Variants in NUDT3 observed in about 807,000 individuals in gnomAD.
NUDT3 encodes nudix hydrolase 3.
In NUDT3, 9 loss-of-function variants were observed where a neutral mutation model predicts 23.6. The observed-to-expected ratio is 0.38, with a 90% CI of 0.23 to 0.66. NUDT3 has a LOEUF of 0.66. Among genes scored for constraint, NUDT3 ranks in the 30% least tolerant of loss-of-function variants. NUDT3 has a pLI of 0.52. For missense variants in NUDT3, 172 were observed against 218.5 expected (o/e 0.79, Z 1.34); for synonymous variants, 86 against 82.6 (o/e 1.04, Z -0.22).
rs576916758 is a variant in NUDT3 at position 34,279,835 on chromosome 6, A to T, written c.*8918T>A. 1.3e-5 allele frequency: 2 copies of T among 152,288 alleles called. No homozygotes were observed. The highest frequency in any genetic ancestry group is 4.8e-5 in the African/African-American group (2 of 41,554). 9.4% of individuals were successfully genotyped at this position (152,288 alleles called of 1,614,324 possible). A position where few individuals can be genotyped will look rare whatever the true frequency, so the allele number is the denominator to read the frequency against. On this transcript the variant is annotated 3_prime_UTR_variant, in exon 5 of 5. Coordinates refer to ENST00000607016, the MANE Select transcript of NUDT3 (RefSeq NM_006703.4). ...TTAAGCATTTGTTTTTACAAAAAGG[A>T]GTGGGATATGGGGGTGGTCAAGTTT...
chr6:34,335,993 G>A (rs753670434), intron 2 of NUDT3, among the ~76,000 whole-genome samples: 17 of 152,066 alleles, frequency 1.1e-4, no homozygotes, highest in Non-Finnish European at 2.2e-4. Context: ...GATAAATCTG[G>A]TTGGGTATAA....
At chr6:34,328,485 T>C (rs555229613) in intron 2 of NUDT3, among the ~76,000 whole-genome samples, 13 of 152,304 alleles carry the variant, frequency 8.5e-5, no homozygotes, top group African/African-American at 3.1e-4. Context: ...AAACGGAAAG[T>C]ACAAAGAAGA....
chr6:34,387,517 A>T (rs1384141660), intron 1 of NUDT3, among the ~76,000 whole-genome samples: 1 of 152,064 alleles, frequency 6.6e-6, no homozygotes, highest in Non-Finnish European at 1.5e-5. Context: ...TTTTTAAATA[A>T]AGTTTCTAGA....
At chr6:34,305,233 T>G (rs1763662740) in intron 2 of NUDT3, among the ~76,000 whole-genome samples, 2 of 152,210 alleles carry the variant, frequency 1.3e-5, no homozygotes, top group Middle Eastern at 3.4e-3. Flanking sequence ...CCACTCGCCT[T>G]GGCCTCCCAA....
chr6:34,301,462 G>C (rs760184622), intron 2 of NUDT3, among the ~76,000 whole-genome samples: 2 of 152,202 alleles, frequency 1.3e-5, no homozygotes, highest in Admixed American at 6.5e-5. Flanking sequence ...CCAAGCCTAG[G>C]CCTCAAGAGG....
chr6:34,388,295 A>G (rs1473367999), intron 1 of NUDT3, among the ~76,000 whole-genome samples: 1 of 152,176 alleles, frequency 6.6e-6, no homozygotes, highest in Non-Finnish European at 1.5e-5. Flanking sequence ...CTGTATTTTC[A>G]TCTCTTTTTC....
chr6:34,329,718 T>C (rs561098776), intron 2 of NUDT3, among the ~76,000 whole-genome samples: 2 of 152,290 alleles, frequency 1.3e-5, no homozygotes, highest in South Asian at 2.1e-4. Context: ...TTGTTACATA[T>C]GTATACATGT....
chr6:34,299,644 G>C (rs997341634), intron 2 of NUDT3, among the ~76,000 whole-genome samples: 2 of 145,974 alleles, frequency 1.4e-5, no homozygotes, highest in Non-Finnish European at 3.0e-5. Flanking sequence ...GGTGACTCAC[G>C]CCTATAATCC....
intron 1 of NUDT3, among the ~76,000 whole-genome samples, chr6:34,359,169 C>T (rs1460470473): frequency 2.0e-5 from 3 of 152,084 alleles, no homozygotes; most frequent in South Asian, 2.1e-4. Flanking sequence ...GTCAGGAGAT[C>T]GAAACCATCC....
intron 2 of NUDT3, among the ~76,000 whole-genome samples, chr6:34,338,725 C>T (rs927803314): frequency 6.6e-6 from 1 of 152,164 alleles, no homozygotes; most frequent in Admixed American, 6.6e-5. Flanking sequence ...CTCTCACAAG[C>T]CACTGGACAC....
chr6:34,359,100 G>A (rs921822863), intron 1 of NUDT3, among the ~76,000 whole-genome samples: 2 of 152,140 alleles, frequency 1.3e-5, no homozygotes, highest in African/African-American at 4.8e-5. Flanking sequence ...TCGGCCAGGT[G>A]CGGTGGCTCA....
chr6:34,297,848 G>A (rs1176091193), intron 2 of NUDT3, among the ~76,000 whole-genome samples: 1 of 143,678 alleles, frequency 7.0e-6, no homozygotes, highest in Non-Finnish European at 1.5e-5. Context: ...GCCCGCCTCA[G>A]CCTCCCAAAG....
chr6:34,361,241 G>T (rs567460762), intron 1 of NUDT3, among the ~76,000 whole-genome samples: 1 of 152,152 alleles, frequency 6.6e-6, no homozygotes, highest in Non-Finnish European at 1.5e-5. Flanking sequence ...ATTTTTAAAA[G>T]AACATATGCA....
chr6:34,304,187 A>G (rs1047392778), intron 2 of NUDT3, among the ~76,000 whole-genome samples: 1 of 146,086 alleles, frequency 6.8e-6, no homozygotes, highest in South Asian at 2.2e-4. Flanking sequence ...TGGGATGCAG[A>G]GGTTGCAGTG....
intron 1 of NUDT3, 23 bp from the exon 2 acceptor site, chr6:34,341,995 TG>T (rs745422994): frequency 1.2e-6 from 2 of 1,601,266 alleles, no homozygotes; most frequent in East Asian, 2.2e-5. Context: ...AAAGGTTGCA[TG>T]GGGGGGTTAA....
At chr6:34,300,846 C>A (rs1763587424) in intron 2 of NUDT3, among the ~76,000 whole-genome samples, 2 of 152,164 alleles carry the variant, frequency 1.3e-5, no homozygotes, top group South Asian at 4.1e-4. Flanking sequence ...TCTGAGAAGA[C>A]CAAGAACTGT....
chr6:34,332,935 A>G (rs1764150044), intron 2 of NUDT3, among the ~76,000 whole-genome samples: 1 of 152,230 alleles, frequency 6.6e-6, no homozygotes, highest in African/African-American at 2.4e-5. Context: ...CCTGTCAGAC[A>G]AGAGTTTTAC....
chr6:34,347,443 C>T (rs1214352561), intron 1 of NUDT3, among the ~76,000 whole-genome samples: 1 of 149,454 alleles, frequency 6.7e-6, no homozygotes, highest in Non-Finnish European at 1.5e-5. Context: ...CAGAACACAC[C>T]CATCCATAGA....
Position 34,284,843 on chromosome 6 carries a change from T to C in NUDT3, c.*3910A>G, listed in dbSNP as rs1227245269. On this transcript the variant is annotated 3_prime_UTR_variant, in exon 5 of 5. Coordinates refer to ENST00000607016, the MANE Select transcript of NUDT3 (RefSeq NM_006703.4). ...GCATTACATGGGCTGGCTCCTAATATCAAAACAAAATATTTCTTTGCCACA... is the reference window on the plus strand; with the variant it reads ...GCATTACATGGGCTGGCTCCTAATACCAAAACAAAATATTTCTTTGCCACA... The C allele has an allele frequency of 6.6e-6, 1 of 152,098 alleles. No homozygotes were observed. Among genetic ancestry groups the C allele is most frequent in the Non-Finnish European group, 1.5e-5 (1 of 68,026 alleles). The allele number at this position is 152,098 out of a possible 1,614,324, so 9.4% of individuals were successfully genotyped here. A position where few individuals can be genotyped will look rare whatever the true frequency, so the allele number is the denominator to read the frequency against.
Sources: allele counts gnomAD v4.1 joint callset (sites outside exome capture counted in the v4.1 genomes callset), GRCh38; gene constraint gnomAD v4.1.1; transcripts MANE v1.5; gene names NCBI Gene and HGNC (gene_info 2026-07-23, HGNC 2026-07-21).